COL8A1: variants seen among roughly 807,000 people sequenced by gnomAD.
COL8A1 encodes collagen type VIII alpha 1 chain.
Under a neutral mutation model 42.7 loss-of-function variants are expected in COL8A1, and 21 were observed. That is an observed-to-expected ratio of 0.49 (90% CI 0.35 to 0.71). The LOEUF (loss-of-function observed/expected upper bound fraction) is 0.71, where lower values mean the gene tolerates loss of function less well. COL8A1 is among the 30% of genes least tolerant of loss of function. COL8A1 has a pLI of 0.01. For missense variants in COL8A1, 788 were observed against 962.4 expected, an observed-to-expected ratio of 0.82 and a Z score of 2.40; for synonymous variants, 367 against 369.1, an observed-to-expected ratio of 0.99 and a Z score of 0.06.
chr3:99,776,708 C>T (rs981577206), intron 2 of COL8A1, among the ~76,000 whole-genome samples: 19 of 152,174 alleles, frequency 1.2e-4, no homozygotes, highest in Admixed American at 2.6e-4. Flanking sequence ...AAAAGAATGG[C>T]TACTCCATAG....
At chr3:99,662,101 G>A (rs966269726) in intron 1 of COL8A1, among the ~76,000 whole-genome samples, 2 of 152,128 alleles carry the variant, frequency 1.3e-5, no homozygotes, top group African/African-American at 2.4e-5. Flanking sequence ...AATATGGGCC[G>A]AGCACGGTGG....
chr3:99,689,624 C>A (rs1939159332), intron 1 of COL8A1, among the ~76,000 whole-genome samples: 1 of 152,108 alleles, frequency 6.6e-6, no homozygotes, highest in Non-Finnish European at 1.5e-5. Context: ...AACATAGATA[C>A]TACTTTAGCA....
chr3:99,706,170 C>T (rs921908113), intron 1 of COL8A1, among the ~76,000 whole-genome samples: 23 of 152,138 alleles, frequency 1.5e-4, no homozygotes, highest in African/African-American at 5.6e-4. Flanking sequence ...CCACTATACA[C>T]CCCACAAAAA....
At chr3:99,718,928 GATA>G (rs772778383) in intron 1 of COL8A1, among the ~76,000 whole-genome samples, 24 of 152,066 alleles carry the variant, frequency 1.6e-4, no homozygotes, top group Admixed American at 3.3e-4. Flanking sequence ...TCATGAAGAT[GATA>G]ATAATAGAAT....
intron 1 of COL8A1, among the ~76,000 whole-genome samples, chr3:99,694,876 C>T (rs1372915651): frequency 6.6e-6 from 1 of 152,192 alleles, no homozygotes; most frequent in Non-Finnish European, 1.5e-5. Context: ...TGCATACCTT[C>T]TTGGTTCTCA....
intron 1 of COL8A1, among the ~76,000 whole-genome samples, chr3:99,651,181 AG>A (rs1370045154): frequency 6.6e-6 from 1 of 152,200 alleles, no homozygotes; most frequent in Non-Finnish European, 1.5e-5. Context: ...GGAATGAAAA[AG>A]TTCCATTATT....
chr3:99,655,729 G>A (rs2107295000), intron 1 of COL8A1, among the ~76,000 whole-genome samples: 1 of 152,290 alleles, frequency 6.6e-6, no homozygotes, highest in East Asian at 1.9e-4. Flanking sequence ...TGGTCATTAA[G>A]GTTTATATTT....
chr3:99,709,628 T>G (rs1939780359), intron 1 of COL8A1, among the ~76,000 whole-genome samples: 1 of 152,180 alleles, frequency 6.6e-6, no homozygotes, highest in Non-Finnish European at 1.5e-5. Flanking sequence ...GATGTTTCTA[T>G]GAGGAATTTA....
chr3:99,782,975 A>C (rs1941822814), intron 2 of COL8A1, among the ~76,000 whole-genome samples: 1 of 152,166 alleles, frequency 6.6e-6, no homozygotes, highest in African/African-American at 2.4e-5. Flanking sequence ...TAAACTGTTT[A>C]GCAGCTGACA....
Position 99,701,610 on chromosome 3 carries a change from C to T in COL8A1, c.-128-43287C>T, listed in dbSNP as rs1939542104. 2.0e-5 allele frequency among the ~76,000 whole-genome samples: 3 copies of T among 152,240 alleles called. No homozygotes were observed. The South Asian group carries it at 6.2e-4, about 32-fold the overall frequency. Reference sequence around the variant, plus strand: ...GAGGTGTTATCCTCCTAATTTTGTCCTCTTGAAAGTAGTTTAATTATTTTC... The same window carrying T: ...GAGGTGTTATCCTCCTAATTTTGTCTTCTTGAAAGTAGTTTAATTATTTTC... On this transcript the variant is annotated intron_variant, in intron 1 of 3. Transcript: ENST00000652472.
chr3:99,732,515 A>G (rs1940544284), intron 1 of COL8A1, among the ~76,000 whole-genome samples: 1 of 152,232 alleles, frequency 6.6e-6, no homozygotes, highest in South Asian at 2.1e-4. Flanking sequence ...AAACCATCAG[A>G]TCTCATGAGC....
intron 1 of COL8A1, among the ~76,000 whole-genome samples, chr3:99,657,468 G>T (rs979758854): frequency 1.3e-5 from 2 of 152,180 alleles, no homozygotes; most frequent in African/African-American, 4.8e-5. Context: ...TCTTTTAGCT[G>T]ATAAGACTGA....
intron 1 of COL8A1, among the ~76,000 whole-genome samples, chr3:99,726,355 G>A (rs1011490190): frequency 6.6e-6 from 1 of 151,436 alleles, no homozygotes; most frequent in Non-Finnish European, 1.5e-5. Flanking sequence ...CTCCCATTTT[G>A]TAGGCTACCT....
chr3:99,657,620 G>A (rs1329472879), intron 1 of COL8A1, among the ~76,000 whole-genome samples: 2 of 152,060 alleles, frequency 1.3e-5, no homozygotes, highest in Admixed American at 6.6e-5. Flanking sequence ...TCAACTTAAC[G>A]CATCTTAGCT....
chr3:99,793,019 C>T (rs1942030078), intron 3 of COL8A1, among the ~76,000 whole-genome samples: 1 of 152,078 alleles, frequency 6.6e-6, no homozygotes, highest in South Asian at 2.1e-4. Context: ...TTGCCAGGCA[C>T]AGGAAGAAAA....
At chr3:99,701,176 A>G (rs1939526683) in intron 1 of COL8A1, among the ~76,000 whole-genome samples, 1 of 152,206 alleles carries the variant, frequency 6.6e-6, no homozygotes, top group African/African-American at 2.4e-5. Context: ...ACTCATTTTT[A>G]GTTTAGTCTA....
At position 99,751,916 on chromosome 3, in the gene COL8A1, T is replaced by C. The variant is rs540011208; in HGVS notation, c.-4+6895T>C. ...CACTTTTAAGACACAATTCTTCTAT[T>C]ATCATGAAAAATTGGCTACTTCTAA... On this transcript the variant is annotated intron_variant, in intron 2 of 3. Transcript: ENST00000652472. Among the ~76,000 whole-genome samples the C allele has an allele frequency of 7.2e-5, 11 of 152,320 alleles. No individual in the cohort carries two copies. In the South Asian group the frequency reaches 2.3e-3, roughly 32 times the overall value.
intron 3 of COL8A1, among the ~76,000 whole-genome samples, chr3:99,791,859 T>C (rs765021700): frequency 6.6e-6 from 1 of 152,224 alleles, no homozygotes. Context: ...ATTTGACCTT[T>C]CAGAGCCTAT....
chr3:99,794,587 G>T lies in COL8A1; in HGVS notation c.686G>T (p.Gly229Val). The T allele has an allele frequency of 6.2e-7, 1 of 1,613,642 alleles. No homozygotes were observed. Among genetic ancestry groups the T allele is most frequent in the Non-Finnish European group, 8.5e-7 (1 of 1,179,790 alleles). Residue 229 changes from glycine to valine, a missense_variant, in exon 4 of 4, where the codon GGA becomes GTA. This residue lies in a region of COL8A1 where 421 missense variants were observed against 553.1 expected (regional missense o/e 0.76). Coordinates refer to ENST00000652472, the MANE Select transcript of COL8A1 (RefSeq NM_020351.4). The surrounding 1 kb of genome is among the most constrained non-coding windows in gnomAD (Gnocchi z 4.3). ...CCAAAGGGTGATCGAGGACCCAAAG[G>T]ACTACCAGGACCTCAAGGCCTTCGG... ...PGPKGDRGPK[G>V]LPGPQGLRGP...
Sources: allele counts gnomAD v4.1 joint callset (sites outside exome capture counted in the v4.1 genomes callset), GRCh38; gene constraint gnomAD v4.1.1; regional missense constraint gnomAD v4.1.1; non-coding constraint Gnocchi (gnomAD v3.1); transcripts MANE v1.5; gene names NCBI Gene and HGNC (gene_info 2026-07-23, HGNC 2026-07-21).